Variants in SH3RF3 observed in about 807,000 individuals in gnomAD.
The protein encoded by SH3RF3 is E3 ubiquitin-protein ligase SH3RF3.
A neutral mutation model predicts 66.3 loss-of-function variants in SH3RF3; 29 were observed. That is an observed-to-expected ratio of 0.44 (90% CI 0.33 to 0.60). The LOEUF is 0.60. Ranked by LOEUF, SH3RF3 falls within the 20% of genes least tolerant of loss-of-function variation. The probability of loss-of-function intolerance (pLI) is 0.04; values close to 1 mark genes in which losing one functional copy is unlikely to be tolerated. For missense variants in SH3RF3, 1,194 were observed against 1,190.9 expected (o/e 1.00, Z -0.04); for synonymous variants, 583 against 532.0 (o/e 1.10, Z -1.32).
chr2:109,430,076 C>T (rs764184385), intron 5 of SH3RF3, among the ~76,000 whole-genome samples: 14 of 152,312 alleles, frequency 9.2e-5, no homozygotes, highest in African/African-American at 2.4e-4. Context: ...GCAGCTAGGG[C>T]GTGTTCTGAG....
At chr2:109,419,721 T>C (rs1676822394) in intron 5 of SH3RF3, 79 bp downstream of exon 5, 2 of 1,380,984 alleles carry the variant, frequency 1.4e-6, no homozygotes, top group Non-Finnish European at 2.0e-6. Context: ...CCACGTGTGG[T>C]TTCCGCAGGG....
At chr2:109,365,056 A>AAACAAACC (rs1432207588) in intron 2 of SH3RF3, among the ~76,000 whole-genome samples, 3 of 150,652 alleles carry the variant, frequency 2.0e-5, no homozygotes, top group Non-Finnish European at 4.4e-5. Context: ...CATATAAAAC[A>AAACAAACC]AACAAACAAA....
At chr2:109,136,415 C>T (rs910067132) in intron 1 of SH3RF3, among the ~76,000 whole-genome samples, 1 of 152,066 alleles carries the variant, frequency 6.6e-6, no homozygotes, top group Admixed American at 6.5e-5. Context: ...AACAGGGTGT[C>T]GAGCTGAAGG....
chr2:109,449,149 T>C (rs758935189), intron 7 of SH3RF3, 21 bp from the exon 8 acceptor site: 3 of 1,609,172 alleles, frequency 1.9e-6, no homozygotes, highest in South Asian at 1.1e-5. Flanking sequence ...CAACCTGCTG[T>C]CTCTCCAACC....
intron 8 of SH3RF3, among the ~76,000 whole-genome samples, chr2:109,473,744 G>A (rs1678592256): frequency 1.3e-5 from 1 of 74,794 alleles, no homozygotes; most frequent in Non-Finnish European, 2.5e-5. Context: ...ACTCCTGCCT[G>A]CCTCAGGCTA....
At position 109,368,732 on chromosome 2, in the gene SH3RF3, AAAAG is replaced by A. The variant is rs554311751; in HGVS notation, c.850-2847_850-2844del. The stretch of plus-strand genomic sequence containing the variant: ...TTAAAAAAAAAAAAAAAGAAAAAGA[AAAAG>A]AAAGAACGAAAGAAACAAAATTAAT... On this transcript the variant is annotated intron_variant, in intron 2 of 9. Transcript: ENST00000309415. 3.1e-3 allele frequency among the ~76,000 whole-genome samples: 473 copies of A among 151,338 alleles called. 1 individual carries two copies. The highest frequency in any genetic ancestry group is 4.9e-3 in the Non-Finnish European group (331 of 67,854).
intron 1 of SH3RF3, among the ~76,000 whole-genome samples, chr2:109,260,101 C>T (rs1486363660): frequency 6.6e-6 from 1 of 152,068 alleles, no homozygotes; most frequent in Non-Finnish European, 1.5e-5. Context: ...AGTAGAGAGG[C>T]TCTCTGGGAT....
intron 6 of SH3RF3, among the ~76,000 whole-genome samples, chr2:109,434,891 G>A (rs779959981): frequency 6.6e-6 from 1 of 152,208 alleles, no homozygotes; most frequent in Non-Finnish European, 1.5e-5. Context: ...TGATCAAAAT[G>A]TCTCCTCAAG....
chr2:109,354,999 A>C (rs1682918856), intron 2 of SH3RF3, among the ~76,000 whole-genome samples: 1 of 152,222 alleles, frequency 6.6e-6, no homozygotes, highest in African/African-American at 2.4e-5. Flanking sequence ...AAGAAAGGTG[A>C]TATAGTTTTT....
rs766793425 is a variant in SH3RF3, at chr2:109,504,113, G to A, written c.*2442G>A. The A allele has an allele frequency of 6.6e-6, 1 of 152,254 alleles. No individual in the cohort carries two copies. Among genetic ancestry groups the A allele is most frequent in the African/African-American group, 2.4e-5 (1 of 41,460 alleles). The allele number at this position is 152,254 out of a possible 1,614,324, so 9.4% of individuals were successfully genotyped here. On this transcript the variant is annotated 3_prime_UTR_variant, in exon 10 of 10. Coordinates refer to ENST00000309415, the MANE Select transcript of SH3RF3 (RefSeq NM_001099289.3). ...CAGGCCCTGCAGCCTTCATGATGAT[G>A]TAGCTCGCAGAGAAGAGCAGGAGCA...
intron 1 of SH3RF3, among the ~76,000 whole-genome samples, chr2:109,267,409 A>G (rs1255421480): frequency 6.6e-6 from 1 of 152,196 alleles, no homozygotes; most frequent in East Asian, 1.9e-4. Context: ...CCGAAGAAAG[A>G]AAGAGACGCA....
chr2:109,411,600 T>A (rs1034237509), intron 4 of SH3RF3, among the ~76,000 whole-genome samples: 8 of 151,988 alleles, frequency 5.3e-5, no homozygotes, highest in African/African-American at 1.9e-4. Context: ...GCCACTCATT[T>A]CTTTGTACTT....
chr2:109,203,977 C>A (rs997391490), intron 1 of SH3RF3, among the ~76,000 whole-genome samples: 11 of 152,210 alleles, frequency 7.2e-5, no homozygotes, highest in African/African-American at 2.7e-4. Flanking sequence ...CAGTGTGAAG[C>A]ATTTGTGGGC....
At chr2:109,132,847 G>A (rs6740122) in intron 1 of SH3RF3, among the ~76,000 whole-genome samples, 30,953 of 152,138 alleles carry the variant, frequency 0.2, 3,917 homozygotes, top group Middle Eastern at 0.36. Context: ...CAGTGCAGTG[G>A]GAGTCTTGCT....
At chr2:109,477,708 A>G (rs753407442) in intron 8 of SH3RF3, among the ~76,000 whole-genome samples, 1 of 152,168 alleles carries the variant, frequency 6.6e-6, no homozygotes, top group East Asian at 1.9e-4. Flanking sequence ...TCTGAGATCC[A>G]GACACCACAG....
At chr2:109,405,748 C>T (rs975525852) in intron 4 of SH3RF3, among the ~76,000 whole-genome samples, 1 of 152,338 alleles carries the variant, frequency 6.6e-6, no homozygotes, top group South Asian at 2.1e-4. Context: ...TGTCTCTTTG[C>T]CTACAGGACT....
At position 109,335,318 on chromosome 2, in the gene SH3RF3, G is replaced by A. The variant is rs746657093; in HGVS notation, c.574-12356G>A. On this transcript the variant is annotated intron_variant, in intron 1 of 9. Coordinates refer to ENST00000309415, the MANE Select transcript of SH3RF3 (RefSeq NM_001099289.3). ...AGGTGTCTCTTTATCCTCTCCCTAT[G>A]CCTCAAGTTTCCACATTGAAAACTC... 5.4e-4 allele frequency among the ~76,000 whole-genome samples: 82 copies of A among 152,252 alleles called. 1 individual carries two copies. Among genetic ancestry groups the A allele is most frequent in the Non-Finnish European group, 1.1e-3 (72 of 68,006 alleles).
chr2:109,320,901 C>T (rs1184765097), intron 1 of SH3RF3, among the ~76,000 whole-genome samples: 1 of 152,202 alleles, frequency 6.6e-6, no homozygotes. Context: ...CCTGGGTTAA[C>T]CTTCTGAACC....
chr2:109,344,959 A>G (rs938828316), intron 1 of SH3RF3, among the ~76,000 whole-genome samples: 2 of 152,156 alleles, frequency 1.3e-5, no homozygotes, highest in Non-Finnish European at 2.9e-5. Flanking sequence ...GCACAGAGGC[A>G]GGTTTAGCTG....
Sources: gnomAD v4.1 joint callset for allele counts (sites outside exome capture counted in the v4.1 genomes callset) on GRCh38, gnomAD v4.1.1 for gene constraint, MANE v1.5 for transcripts, NCBI Gene and HGNC (gene_info 2026-07-23, HGNC 2026-07-21) for gene names.